Variants in FHAD1 observed in about 807,000 individuals in gnomAD.
FHAD1 encodes forkhead associated phosphopeptide binding domain 1.
A neutral mutation model predicts 191.3 loss-of-function variants in FHAD1; 146 were observed. The observed-to-expected ratio is 0.76, with a 90% confidence interval of 0.67 to 0.88. The LOEUF is 0.88. FHAD1 is among the 40% of genes least tolerant of loss of function. The pLI is 0.00. For missense variants in FHAD1, 1,635 were observed against 1,785.8 expected, an observed-to-expected ratio of 0.92 and a Z score of 1.52; for synonymous variants, 616 against 672.3, an observed-to-expected ratio of 0.92 and a Z score of 1.29.
intron 2 of FHAD1, among the ~76,000 whole-genome samples, chr1:15,270,363 A>G (rs964280900): frequency 7.2e-5 from 11 of 152,192 alleles, no homozygotes; most frequent in African/African-American, 2.7e-4. Context: ...AGACATTTGA[A>G]TCAGGCGAAC....
At chr1:15,371,272 A>C (rs1698009251) in intron 26 of FHAD1, among the ~76,000 whole-genome samples, 1 of 151,990 alleles carries the variant, frequency 6.6e-6, no homozygotes, top group Non-Finnish European at 1.5e-5. Flanking sequence ...ACGCCCTTGG[A>C]CTCTGTGCAC....
intron 1 of FHAD1, among the ~76,000 whole-genome samples, chr1:15,249,105 G>A (rs867672914): frequency 6.6e-6 from 1 of 152,168 alleles, no homozygotes; most frequent in Admixed American, 6.5e-5. Context: ...ACGTATCTCA[G>A]TGAAAGGGAA....
chr1:15,243,405 T>C (rs1645629394), upstream of FHAD1, among the ~76,000 whole-genome samples: 1 of 152,230 alleles, frequency 6.6e-6, no homozygotes, highest in Non-Finnish European at 1.5e-5. Flanking sequence ...CACTCTTTAC[T>C]CTCTTGTTCT....
intron 16 of FHAD1, chr1:15,343,902 T>G (rs1199481063): frequency 6.6e-6 from 1 of 152,254 alleles, no homozygotes. Flanking sequence ...GATGGACTTT[T>G]TCCCTTGTCA....
intron 2 of FHAD1, among the ~76,000 whole-genome samples, chr1:15,252,702 C>T (rs1217681913): frequency 1.3e-5 from 2 of 152,226 alleles, no homozygotes; most frequent in Non-Finnish European, 1.5e-5. Context: ...TTTCAAGACC[C>T]CATGGGACTG....
Position 15,316,526 on chromosome 1 carries a change from G to A in FHAD1, c.1260+59G>A. The A allele has an allele frequency of 2.8e-6, 4 of 1,414,998 alleles. No homozygotes were observed. Among genetic ancestry groups the A allele is most frequent in the Non-Finnish European group, 2.9e-6 (3 of 1,025,688 alleles). 87.7% of individuals were successfully genotyped at this position (1,414,998 alleles called of 1,614,324 possible). ...AGAAAAAACAGAGTTTGACCTTGAGGTTCTTGGTGGGATCCTGGGCCATCA... is the reference window on the plus strand; with the variant it reads ...AGAAAAAACAGAGTTTGACCTTGAGATTCTTGGTGGGATCCTGGGCCATCA... On this transcript the variant is annotated intron_variant, in intron 9 of 33. Transcript: ENST00000688493. The surrounding 1 kb of genome is among the most constrained non-coding windows in gnomAD (Gnocchi z 4.3).
rs142722355 is a variant in FHAD1, at chr1:15,373,307, G to A, written c.3448-1195G>A. Among the ~76,000 whole-genome samples, 108 of 146,292 alleles carry A rather than the reference G, an allele frequency of 7.4e-4. 1 individual carries two copies. The East Asian group carries it at 0.02, about 27-fold the overall frequency. On this transcript the variant is annotated intron_variant, in intron 26 of 33. Transcript: ENST00000688493. ...AGGCGGATCACGAGGTCAGGAGTTCGAGACCAGCCTGGCCAACGTGGTGAA... is the reference window on the plus strand; with the variant it reads ...AGGCGGATCACGAGGTCAGGAGTTCAAGACCAGCCTGGCCAACGTGGTGAA...
intron 28 of FHAD1, among the ~76,000 whole-genome samples, chr1:15,380,011 C>G (rs12064704): frequency 6.6e-6 from 1 of 152,162 alleles, no homozygotes; most frequent in African/African-American, 2.4e-5. Flanking sequence ...TGCATCATCT[C>G]TGGAAAGGGT....
intron 10 of FHAD1, among the ~76,000 whole-genome samples, chr1:15,323,837 C>A (rs1172988098): frequency 1.3e-5 from 2 of 152,204 alleles, no homozygotes; most frequent in South Asian, 2.1e-4. Flanking sequence ...GGCTACAATT[C>A]TTTACTAGCC....
At chr1:15,341,694 C>T in intron 15 of FHAD1, 42 bp from the exon 16 acceptor site, 3 of 1,505,554 alleles carry the variant, frequency 2.0e-6, no homozygotes, top group Non-Finnish European at 9.0e-7. Flanking sequence ...TTTAGTTAGG[C>T]CTGTCCCCCA....
At chr1:15,377,405 A>G (rs1699918816) in intron 28 of FHAD1, among the ~76,000 whole-genome samples, 1 of 151,990 alleles carries the variant, frequency 6.6e-6, no homozygotes, top group Admixed American at 6.6e-5. Context: ...CTCCAGTCCC[A>G]CCACAGACTG....
At chr1:15,360,872 C>T (rs1694567816) in intron 22 of FHAD1, among the ~76,000 whole-genome samples, 169 bp downstream of exon 22, 1 of 152,154 alleles carries the variant, frequency 6.6e-6, no homozygotes, top group African/African-American at 2.4e-5. Context: ...CAGAAGCCCT[C>T]CGAGGCCCAG....
chr1:15,346,044 C>A (rs1290579520), intron 18 of FHAD1, among the ~76,000 whole-genome samples: 1 of 152,192 alleles, frequency 6.6e-6, no homozygotes, highest in Non-Finnish European at 1.5e-5. Context: ...CCGCCCTCCC[C>A]TGCGCTCCCA....
At chr1:15,246,950 C>T (rs1389767436), upstream of FHAD1, among the ~76,000 whole-genome samples, 1 of 152,188 alleles carries the variant, frequency 6.6e-6, no homozygotes, top group Non-Finnish European at 1.5e-5. Flanking sequence ...TCGCCCCCGA[C>T]CCTCCCTCAA....
downstream of FHAD1, among the ~76,000 whole-genome samples, chr1:15,398,878 TG>T (rs1192856438): frequency 6.6e-6 from 1 of 151,436 alleles, no homozygotes; most frequent in East Asian, 1.9e-4. Flanking sequence ...TGGAGTGCAA[TG>T]GCGCGATCTC....
chr1:15,334,001 T>A (rs1574464293), intron 14 of FHAD1, among the ~76,000 whole-genome samples: 1 of 151,842 alleles, frequency 6.6e-6, no homozygotes, highest in Admixed American at 6.6e-5. Context: ...CCACCTAATT[T>A]TTGTGTTTTT....
chr1:15,342,678 A>G (rs545474715), intron 16 of FHAD1, among the ~76,000 whole-genome samples: 4 of 151,764 alleles, frequency 2.6e-5, no homozygotes, highest in African/African-American at 9.7e-5. Flanking sequence ...TTTTTTTCTT[A>G]AGATGGGGTC....
intron 4 of FHAD1, among the ~76,000 whole-genome samples, chr1:15,292,552 C>T (rs892118146): frequency 2.0e-5 from 3 of 152,118 alleles, no homozygotes; most frequent in Non-Finnish European, 4.4e-5. Flanking sequence ...CCAGGCTGGT[C>T]TCAACCTCCT....
chr1:15,362,002 C>CAA (rs796523025), intron 22 of FHAD1, among the ~76,000 whole-genome samples: 3 of 100,806 alleles, frequency 3.0e-5, no homozygotes, highest in Non-Finnish European at 6.1e-5. Flanking sequence ...GACTCTGTCT[C>CAA]AAAAAAAAAA....
Sources: allele counts gnomAD v4.1 joint callset (sites outside exome capture counted in the v4.1 genomes callset), GRCh38; gene constraint gnomAD v4.1.1; non-coding constraint Gnocchi (gnomAD v3.1); transcripts MANE v1.5; gene names NCBI Gene and HGNC (gene_info 2026-07-23, HGNC 2026-07-21).